Variants in CCDC175 observed in about 807,000 individuals in gnomAD.
CCDC175 encodes the protein coiled-coil domain-containing protein 175.
In CCDC175, 100 loss-of-function variants were observed where a neutral mutation model predicts 114.6. That is an observed-to-expected ratio of 0.87 (90% CI 0.74 to 1.03). The LOEUF is 1.03. Ranked by LOEUF, CCDC175 falls within the 50% of genes least tolerant of loss-of-function variation. The pLI is 0.00. For missense variants in CCDC175, 880 were observed against 917.8 expected (o/e 0.96, Z 0.53); for synonymous variants, 306 against 308.7 (o/e 0.99, Z 0.09).
Position 59,546,973 on chromosome 14 carries a change from C to T in CCDC175, c.1036-1674G>A, listed in dbSNP as rs139964212. On this transcript the variant is annotated intron_variant, in intron 8 of 19. Coordinates refer to ENST00000537690, the MANE Select transcript of CCDC175 (RefSeq NM_001164399.2). ...ATCTACTATAGGCCAGGTGTGGTGGCTCGTGCCTGTAATCCTAGCACTTTG... is the reference window on the plus strand; with the variant it reads ...ATCTACTATAGGCCAGGTGTGGTGGTTCGTGCCTGTAATCCTAGCACTTTG... Among the ~76,000 whole-genome samples the T allele has an allele frequency of 1.2e-3, 179 of 152,238 alleles. 1 individual carries two copies. The highest frequency in any genetic ancestry group is 3.9e-3 in the African/African-American group (163 of 41,548).
intron 14 of CCDC175, among the ~76,000 whole-genome samples, chr14:59,530,262 G>A (rs1038106066): frequency 8.6e-5 from 13 of 152,020 alleles, no homozygotes; most frequent in African/African-American, 3.1e-4. Flanking sequence ...AGCTACTCAG[G>A]AGGCTGAGGC....
At chr14:59,542,231 T>G (rs542462888) in intron 10 of CCDC175, among the ~76,000 whole-genome samples, 9 of 152,254 alleles carry the variant, frequency 5.9e-5, no homozygotes, top group African/African-American at 2.2e-4. Flanking sequence ...TTCACTTTCA[T>G]GCCCGACTGT....
intron 17 of CCDC175, among the ~76,000 whole-genome samples, chr14:59,515,504 A>G (rs1354903110): frequency 6.6e-6 from 1 of 152,232 alleles, no homozygotes; most frequent in Non-Finnish European, 1.5e-5. Context: ...AAAAAAAGGC[A>G]GGGGTTGCAA....
intron 16 of CCDC175, among the ~76,000 whole-genome samples, chr14:59,523,017 C>A (rs1371392252): frequency 1.3e-5 from 2 of 152,150 alleles, no homozygotes; most frequent in African/African-American, 2.4e-5. Context: ...AATAAGAAAA[C>A]AGCACAGAGT....
chr14:59,541,152 T>C (rs1166406582), intron 10 of CCDC175, among the ~76,000 whole-genome samples: 1 of 152,178 alleles, frequency 6.6e-6, no homozygotes, highest in Non-Finnish European at 1.5e-5. Flanking sequence ...TTAGGCTTGC[T>C]GTATACAGAG....
intron 7 of CCDC175, among the ~76,000 whole-genome samples, chr14:59,552,974 C>G (rs889015224): frequency 2.6e-5 from 4 of 152,022 alleles, no homozygotes; most frequent in African/African-American, 9.7e-5. Context: ...GTGAAAAGAC[C>G]ACATCTACGT....
intron 10 of CCDC175, among the ~76,000 whole-genome samples, chr14:59,541,035 G>T (rs923431332): frequency 6.6e-6 from 1 of 152,152 alleles, no homozygotes; most frequent in African/African-American, 2.4e-5. Context: ...TCAGAGGGAG[G>T]AATGTGGATT....
intron 7 of CCDC175, among the ~76,000 whole-genome samples, chr14:59,560,473 G>A (rs542175177): frequency 6.6e-6 from 1 of 152,288 alleles, no homozygotes; most frequent in East Asian, 1.9e-4. Flanking sequence ...TTTCGGGGGA[G>A]AGAGTGTGTT....
intron 14 of CCDC175, among the ~76,000 whole-genome samples, chr14:59,531,092 T>C (rs980577046): frequency 2.0e-5 from 3 of 150,246 alleles, no homozygotes; most frequent in South Asian, 2.1e-4. Context: ...CTGGGCAACA[T>C]AGTGAGACCC....
At chr14:59,526,660 G>C (rs1027934943) in intron 15 of CCDC175, among the ~76,000 whole-genome samples, 4 of 151,862 alleles carry the variant, frequency 2.6e-5, no homozygotes, top group Admixed American at 2.6e-4. Flanking sequence ...ACTGTTGATT[G>C]TAAATTTTAA....
intron 17 of CCDC175, among the ~76,000 whole-genome samples, chr14:59,520,198 T>C (rs1385945005): frequency 6.6e-6 from 1 of 152,244 alleles, no homozygotes; most frequent in Non-Finnish European, 1.5e-5. Flanking sequence ...CATGAAAAAG[T>C]ATACTCAACA....
At chr14:59,564,425 C>T (rs77536272) in intron 5 of CCDC175, 6,059 of 153,354 alleles carry the variant, frequency 0.04, 144 homozygotes, top group Middle Eastern at 0.095. Flanking sequence ...AACCACCTCT[C>T]CCCCAGTCAA....
chr14:59,514,887 A>G (rs1218450049), intron 17 of CCDC175, among the ~76,000 whole-genome samples: 1 of 152,206 alleles, frequency 6.6e-6, no homozygotes, highest in East Asian at 1.9e-4. Flanking sequence ...AGTTGAAATG[A>G]AGGAAAAAAT....
chr14:59,523,704 A>G lies in CCDC175; in HGVS notation c.1995+1578T>C, dbSNP rs376536981. ...CCTTTTCAGTTTATAAAGAAGTCAC[A>G]TTCAGCCGGGCGCGGTGGCTCAAGC... is the stretch of plus-strand genomic sequence containing the variant. On this transcript the variant is annotated intron_variant, in intron 16 of 19. Coordinates refer to ENST00000537690, the MANE Select transcript of CCDC175 (RefSeq NM_001164399.2). 1.3e-4 allele frequency among the ~76,000 whole-genome samples: 20 copies of G among 152,306 alleles called. 2 individuals are homozygous for G. Among genetic ancestry groups the G allele is most frequent in the Admixed American group, 8.5e-4 (13 of 15,294 alleles).
intron 7 of CCDC175, among the ~76,000 whole-genome samples, chr14:59,552,896 G>T (rs1037224978): frequency 6.6e-6 from 1 of 152,146 alleles, no homozygotes; most frequent in Non-Finnish European, 1.5e-5. Flanking sequence ...GAAATGAAGC[G>T]AGAAGAGAAG....
At chr14:59,572,289 A>C (rs1205795168) in intron 3 of CCDC175, among the ~76,000 whole-genome samples, 1 of 152,228 alleles carries the variant, frequency 6.6e-6, no homozygotes, top group Non-Finnish European at 1.5e-5. Context: ...CAACAGTATG[A>C]ATGAACCTTG....
rs895290951 is a variant in CCDC175, at chr14:59,540,526, T to A, written c.1355+149A>T. The A allele has an allele frequency of 4.1e-5, 37 of 897,144 alleles. No homozygotes were observed. The African/African-American group carries it at 6.3e-4, about 15-fold the overall frequency. The allele number at this position is 897,144 out of a possible 1,614,324, so 55.6% of individuals were successfully genotyped here. On this transcript the variant is annotated intron_variant, in intron 11 of 19. Transcript: ENST00000537690. ...AAAAAATCAAATTAACCAATACATC[T>A]AGATCCGAGAGAATTTACACATAAT... is the stretch of plus-strand genomic sequence containing the variant.
intron 4 of CCDC175, among the ~76,000 whole-genome samples, 190 bp from the exon 5 acceptor site, chr14:59,565,465 G>A (rs1399809632): frequency 6.6e-6 from 1 of 152,198 alleles, no homozygotes; most frequent in African/African-American, 2.4e-5. Flanking sequence ...AGCACTTTGG[G>A]AGGCCGAGGT....
chr14:59,545,035 A>T, intron 9 of CCDC175, 128 bp downstream of exon 9: 1 of 957,452 alleles, frequency 1.0e-6, no homozygotes, highest in Non-Finnish European at 1.5e-6. Flanking sequence ...AATGATAGCA[A>T]ATGTTTTCAT....
Sources: allele counts gnomAD v4.1 joint callset (sites outside exome capture counted in the v4.1 genomes callset), GRCh38; gene constraint gnomAD v4.1.1; transcripts MANE v1.5; gene names NCBI Gene and HGNC (gene_info 2026-07-23, HGNC 2026-07-21).